ANKS1B: variants seen among roughly 807,000 people sequenced by gnomAD.
ANKS1B encodes the protein ankyrin repeat and sterile alpha motif domain containing 1B, also known as ankyrin repeat and sterile alpha motif domain-containing protein 1B.
In ANKS1B, 36 loss-of-function variants were observed where a neutral mutation model predicts 148.3. The observed-to-expected ratio is 0.24, with a 90% confidence interval of 0.19 to 0.32. The LOEUF (loss-of-function observed/expected upper bound fraction) is 0.32. Among genes scored for constraint, ANKS1B ranks in the 10% least tolerant of loss-of-function variants. ANKS1B has a pLI of 1.00. For missense variants in ANKS1B, 1,157 were observed against 1,542.6 expected (o/e 0.75, Z 4.19); for synonymous variants, 542 against 560.8 (o/e 0.97, Z 0.47).
At chr12:99,674,948 A>G (rs1180625217) in intron 8 of ANKS1B, among the ~76,000 whole-genome samples, 1 of 151,962 alleles carries the variant, frequency 6.6e-6, no homozygotes, top group Non-Finnish European at 1.5e-5. Context: ...AAAGCATACA[A>G]AAGACTTGAA....
chr12:99,197,712 G>A (rs2081552035), intron 14 of ANKS1B, among the ~76,000 whole-genome samples: 1 of 152,104 alleles, frequency 6.6e-6, no homozygotes, highest in Admixed American at 6.6e-5. Flanking sequence ...ATCAAGAAAT[G>A]TGGGTGGCCT....
At chr12:99,214,461 A>T (rs2083838953) in intron 14 of ANKS1B, among the ~76,000 whole-genome samples, 1 of 152,128 alleles carries the variant, frequency 6.6e-6, no homozygotes, top group Non-Finnish European at 1.5e-5. Context: ...ATGGTAGTTA[A>T]TAAATCTCAC....
chr12:99,121,303 C>T (rs146557926), intron 15 of ANKS1B, among the ~76,000 whole-genome samples: 4 of 86,130 alleles, frequency 4.6e-5, no homozygotes, highest in Non-Finnish European at 1.1e-4. Context: ...ACTGTTTTAA[C>T]AGTGTGTGTA....
chr12:99,966,328 G>T (rs374505801), intron 1 of ANKS1B, among the ~76,000 whole-genome samples: 3 of 151,632 alleles, frequency 2.0e-5, no homozygotes, highest in South Asian at 2.1e-4. Context: ...CAAATGGTTC[G>T]GGGAAAAAAA....
At chr12:99,122,669 T>A (rs80022420) in intron 15 of ANKS1B, among the ~76,000 whole-genome samples, 10,084 of 152,174 alleles carry the variant, frequency 0.066, 707 homozygotes, top group African/African-American at 0.17. Flanking sequence ...TCATAAACGC[T>A]TGCTGGCAGC....
chr12:99,284,589 GT>G (rs113825475), intron 12 of ANKS1B, among the ~76,000 whole-genome samples: 9 of 151,988 alleles, frequency 5.9e-5, no homozygotes, highest in African/African-American at 1.9e-4. Context: ...CCAAACCAGT[GT>G]TTTTTTTCTT....
At chr12:99,041,182 T>C (rs2099958713) in intron 17 of ANKS1B, among the ~76,000 whole-genome samples, 1 of 152,194 alleles carries the variant, frequency 6.6e-6, no homozygotes, top group Admixed American at 6.5e-5. Flanking sequence ...GAAGAGTTAC[T>C]AAAACAAATT....
At position 99,630,834 on chromosome 12, in the gene ANKS1B, C is replaced by T. The variant is rs554260538; in HGVS notation, c.1272+24233G>A. ...GCTCTCACCAGCTCTGGCCCCTTGACCTTTGATATGTTTGGCTGTCTCTCC... is the reference window on the plus strand; with the variant it reads ...GCTCTCACCAGCTCTGGCCCCTTGATCTTTGATATGTTTGGCTGTCTCTCC... On this transcript the variant is annotated intron_variant, in intron 9 of 26. Coordinates refer to ENST00000683438, the MANE Select transcript of ANKS1B (RefSeq NM_001352186.2). 1.4e-4 allele frequency among the ~76,000 whole-genome samples: 21 copies of T among 152,244 alleles called. 1 individual carries two copies. In the South Asian group the frequency reaches 4.1e-3, roughly 30 times the overall value.
chr12:99,091,726 T>C (rs1424984338), intron 15 of ANKS1B, among the ~76,000 whole-genome samples: 1 of 152,196 alleles, frequency 6.6e-6, no homozygotes, highest in Non-Finnish European at 1.5e-5. Flanking sequence ...TAGTGTAAAG[T>C]AAATAGCACA....
chr12:99,777,286 A>C (rs773327155), intron 6 of ANKS1B, among the ~76,000 whole-genome samples: 15 of 152,232 alleles, frequency 9.9e-5, no homozygotes, highest in Non-Finnish European at 1.9e-4. Context: ...AAATCCAGGA[A>C]TGCAAAGAAC....
chr12:98,839,922 C>CT (rs527686562), intron 17 of ANKS1B, among the ~76,000 whole-genome samples: 8 of 152,042 alleles, frequency 5.3e-5, no homozygotes, highest in South Asian at 2.1e-4. Flanking sequence ...AGCTAACTCT[C>CT]TTTTTTTTGC....
intron 8 of ANKS1B, among the ~76,000 whole-genome samples, chr12:99,695,490 T>A: frequency 6.6e-6 from 1 of 152,230 alleles, no homozygotes; most frequent in Non-Finnish European, 1.5e-5. Context: ...GGCTATTGAT[T>A]CTTTTCTCCT....
chr12:98,923,761 C>T (rs2099804471), intron 17 of ANKS1B, among the ~76,000 whole-genome samples: 1 of 152,196 alleles, frequency 6.6e-6, no homozygotes, highest in Non-Finnish European at 1.5e-5. Flanking sequence ...GACTTTGTTT[C>T]AGCATCAAAA....
chr12:99,916,829 G>A (rs1416668389), intron 1 of ANKS1B, among the ~76,000 whole-genome samples: 2 of 152,170 alleles, frequency 1.3e-5, no homozygotes, highest in Non-Finnish European at 2.9e-5. Flanking sequence ...TACTCAAAGT[G>A]TAATCCATAG....
chr12:98,907,005 CTGTG>C (rs59857138), intron 17 of ANKS1B, among the ~76,000 whole-genome samples: 28,198 of 145,448 alleles, frequency 0.19, 2,849 homozygotes, highest in Non-Finnish European at 0.25. Flanking sequence ...CATAGTTACT[CTGTG>C]TGTGTGTGTG....
At chr12:99,498,206 ATACTC>A (rs1338265953) in intron 10 of ANKS1B, among the ~76,000 whole-genome samples, 1 of 152,140 alleles carries the variant, frequency 6.6e-6, no homozygotes, top group African/African-American at 2.4e-5. Context: ...TCTCCAATCT[ATACTC>A]TATACTCCAC....
At chr12:98,902,220 C>T (rs2099773086) in intron 17 of ANKS1B, among the ~76,000 whole-genome samples, 1 of 152,240 alleles carries the variant, frequency 6.6e-6, no homozygotes, top group Non-Finnish European at 1.5e-5. Flanking sequence ...AAACCACATA[C>T]AGCTCCATTG....
intron 19 of ANKS1B, among the ~76,000 whole-genome samples, chr12:98,822,006 G>A (rs1161870850): frequency 2.0e-5 from 3 of 150,884 alleles, no homozygotes; most frequent in Admixed American, 6.6e-5. Context: ...CTCTCCACAC[G>A]GAGAGGGAGG....
At chr12:99,706,929 C>T (rs781621355) in intron 8 of ANKS1B, among the ~76,000 whole-genome samples, 6 of 151,992 alleles carry the variant, frequency 3.9e-5, no homozygotes, top group Admixed American at 1.3e-4. Context: ...CTTCCCCAGT[C>T]GAGCCACAGA....
Sources: allele counts gnomAD v4.1 joint callset (sites outside exome capture counted in the v4.1 genomes callset), GRCh38; gene constraint gnomAD v4.1.1; transcripts MANE v1.5; gene names NCBI Gene and HGNC (gene_info 2026-07-23, HGNC 2026-07-21).